Variants in PLD5 observed in about 807,000 individuals in gnomAD.
PLD5 encodes the protein inactive phospholipase D5.
Under a neutral mutation model 61.1 loss-of-function variants are expected in PLD5, and 36 were observed. The ratio of observed to expected loss-of-function variants is 0.59; its 90% CI spans 0.45 to 0.78. The LOEUF (loss-of-function observed/expected upper bound fraction) is 0.78. Ranked by LOEUF, PLD5 falls within the 30% of genes least tolerant of loss-of-function variation. The pLI is 0.00. For synonymous variants in PLD5, 243 were observed against 242.8 expected, an observed-to-expected ratio of 1.00 and a Z score of -0.01; for missense variants, 515 against 644.4, an observed-to-expected ratio of 0.80 and a Z score of 2.17.
At position 242,373,447 on chromosome 1, in the gene PLD5, T is replaced by C. The variant is rs573111840; in HGVS notation, c.190-25205A>G. ...CCATTTGACCCAGCAATCCCATTAC[T>C]GGGTATATACCCAAAGGATTTTAAA... On this transcript the variant is annotated intron_variant, in intron 1 of 9. Coordinates refer to ENST00000536534, the MANE Select transcript of PLD5 (RefSeq NM_001372062.1). 2.6e-5 allele frequency among the ~76,000 whole-genome samples: 4 copies of C among 152,324 alleles called. No homozygotes were observed. In the South Asian group the frequency reaches 8.3e-4, roughly 32 times the overall value.
At chr1:242,485,849 C>G (rs1023406079) in intron 1 of PLD5, among the ~76,000 whole-genome samples, 1 of 152,018 alleles carries the variant, frequency 6.6e-6, no homozygotes, top group Non-Finnish European at 1.5e-5. Context: ...ACAGCATGGT[C>G]CTGGTACCAA....
At chr1:242,296,256 C>T (rs1251679870) in intron 2 of PLD5, among the ~76,000 whole-genome samples, 10 of 152,070 alleles carry the variant, frequency 6.6e-5, no homozygotes, top group Non-Finnish European at 1.2e-4. Context: ...GGTTTAAGTT[C>T]CTTATAAATT....
At chr1:242,384,167 C>T (rs1010566422) in intron 1 of PLD5, among the ~76,000 whole-genome samples, 18 of 152,208 alleles carry the variant, frequency 1.2e-4, no homozygotes, top group Admixed American at 7.9e-4. Context: ...ATATTCCAAC[C>T]AGTTCCAATG....
intron 1 of PLD5, among the ~76,000 whole-genome samples, chr1:242,485,272 CCT>C (rs1262938606): frequency 2.0e-5 from 3 of 152,100 alleles, no homozygotes; most frequent in Non-Finnish European, 4.4e-5. Flanking sequence ...TCAAATTGTC[CCT>C]GTTTGCAGAT....
Position 242,221,639 on chromosome 1 carries a change from T to A in PLD5, c.608-1524A>T, listed in dbSNP as rs145775237. On this transcript the variant is annotated intron_variant, in intron 4 of 9. Transcript: ENST00000536534. ...CTCTGAGGGTAGAGCAGTTTCTTTGTCTTCCAAGTGGCGGGCACATGTTTC... is the reference window on the plus strand; with the variant it reads ...CTCTGAGGGTAGAGCAGTTTCTTTGACTTCCAAGTGGCGGGCACATGTTTC... Among the ~76,000 whole-genome samples, 161 of 152,290 alleles carry A rather than the reference T, an allele frequency of 1.1e-3. 3 individuals are homozygous for A. The highest frequency in any genetic ancestry group is 3.8e-3 in the African/African-American group (156 of 41,558).
intron 1 of PLD5, among the ~76,000 whole-genome samples, chr1:242,465,798 C>T (rs774486898): frequency 1.6e-4 from 24 of 152,162 alleles, no homozygotes; most frequent in Non-Finnish European, 3.4e-4. Context: ...GGCATGGTGG[C>T]GGATGCCTGT....
At chr1:242,443,065 T>C (rs1479487690) in intron 1 of PLD5, among the ~76,000 whole-genome samples, 1 of 152,214 alleles carries the variant, frequency 6.6e-6, no homozygotes, top group African/African-American at 2.4e-5. Flanking sequence ...TATGAACTTA[T>C]TAAATCAGCC....
Position 242,098,590 on chromosome 1 carries a change from C to T in PLD5, c.1354+2078G>A, listed in dbSNP as rs1422152881. Among the ~76,000 whole-genome samples the T allele has an allele frequency of 4.6e-5, 7 of 152,316 alleles. No homozygotes were observed. The East Asian group carries it at 1.3e-3, about 29-fold the overall frequency. On this transcript the variant is annotated intron_variant, in intron 9 of 9. Coordinates refer to ENST00000536534, the MANE Select transcript of PLD5 (RefSeq NM_001372062.1). Reference sequence around the variant, plus strand: ...AGTCATTCTCCATCCAGCTTTGTTCCATTGCTGGTGAGGAGCTGCGTTCCT... The same window carrying T: ...AGTCATTCTCCATCCAGCTTTGTTCTATTGCTGGTGAGGAGCTGCGTTCCT...
chr1:242,309,456 C>T (rs535712039), intron 2 of PLD5, among the ~76,000 whole-genome samples: 13 of 151,412 alleles, frequency 8.6e-5, no homozygotes, highest in Middle Eastern at 3.4e-3. Context: ...GGCACTAAAC[C>T]TCTGCCTCCT....
intron 5 of PLD5, among the ~76,000 whole-genome samples, chr1:242,207,193 C>T (rs316858): frequency 0.84 from 128,056 of 152,138 alleles, 54,138 homozygotes; most frequent in South Asian, 0.94. Flanking sequence ...ATTGACCAAA[C>T]AACTGGGCAC....
intron 1 of PLD5, among the ~76,000 whole-genome samples, chr1:242,474,130 G>A (rs548485316): frequency 2.0e-5 from 3 of 152,234 alleles, no homozygotes; most frequent in Non-Finnish European, 4.4e-5. Context: ...TGAGAAATCA[G>A]TGAGAGACAT....
chr1:242,244,020 C>A (rs112368504), intron 4 of PLD5, among the ~76,000 whole-genome samples: 2 of 152,134 alleles, frequency 1.3e-5, no homozygotes, highest in Admixed American at 6.6e-5. Flanking sequence ...CCTGAAAGCT[C>A]CCAAATTGTC....
At chr1:242,113,250 T>C (rs568013938) in intron 7 of PLD5, among the ~76,000 whole-genome samples, 24 of 152,110 alleles carry the variant, frequency 1.6e-4, no homozygotes, top group Admixed American at 1.5e-3. Flanking sequence ...CCACCACACC[T>C]GGCTAATTTT....
Position 242,089,414 on chromosome 1 carries a change from G to A in PLD5, c.*440C>T. ...TGTAGGTCTTGGAGACGATTTACAAGAATAAACACTTGGTTTTATCAGTCT... is the reference window on the plus strand; with the variant it reads ...TGTAGGTCTTGGAGACGATTTACAAAAATAAACACTTGGTTTTATCAGTCT... On this transcript the variant is annotated 3_prime_UTR_variant, in exon 10 of 10. Coordinates refer to ENST00000536534, the MANE Select transcript of PLD5 (RefSeq NM_001372062.1). 2.3e-5 allele frequency: 9 copies of A among 396,738 alleles called. No homozygotes were observed. Among genetic ancestry groups the A allele is most frequent in the South Asian group, 1.3e-4 (1 of 7,792 alleles). 24.6% of individuals were successfully genotyped at this position (396,738 alleles called of 1,614,324 possible).
chr1:242,333,353 G>T (rs1659305095), intron 2 of PLD5, among the ~76,000 whole-genome samples: 1 of 151,848 alleles, frequency 6.6e-6, no homozygotes, highest in African/African-American at 2.4e-5. Flanking sequence ...GCAAAATTCA[G>T]AAACATATTT....
rs751636146 is a variant in PLD5 at position 242,107,821 on chromosome 1, C to G, written c.1089G>C (p.Leu363Phe). 6.3e-7 allele frequency: 1 copy of G among 1,596,656 alleles called. No homozygotes were observed. Among genetic ancestry groups the G allele is most frequent in the Non-Finnish European group, 8.5e-7 (1 of 1,175,250 alleles). ...CTAATGCTTCTCTTATTTTTGCATC[C>G]AAGTCTGGCCAGTAAGTCCTGCAGA... ...TSTKRTYWPD[L>F]DAKIREALVL... The change falls in exon 8 of 10, where the codon TTG becomes TTC. Residue 363 changes from leucine (L) to phenylalanine (F), a missense_variant. Coordinates refer to ENST00000536534, the MANE Select transcript of PLD5 (RefSeq NM_001372062.1).
chr1:242,463,706 T>C (rs571150884), intron 1 of PLD5, among the ~76,000 whole-genome samples: 1 of 152,130 alleles, frequency 6.6e-6, no homozygotes, highest in East Asian at 1.9e-4. Flanking sequence ...TGCCTCTACT[T>C]ATACCCGTAT....
At chr1:242,194,673 T>TCTAC (rs1264173629) in intron 5 of PLD5, among the ~76,000 whole-genome samples, 2 of 150,724 alleles carry the variant, frequency 1.3e-5, no homozygotes, top group Admixed American at 1.3e-4. Context: ...TATCTACCTA[T>TCTAC]CTATGATAGA....
rs12089729 is a variant in PLD5, at chr1:242,318,653, T to A, written c.326+29453A>T. Among the ~76,000 whole-genome samples the A allele has an allele frequency of 8.9e-3, 1,309 of 146,328 alleles. 9 individuals are homozygous for A. Among genetic ancestry groups the A allele is most frequent in the African/African-American group, 0.031 (1,209 of 39,430 alleles). On this transcript the variant is annotated intron_variant, in intron 2 of 9. Transcript: ENST00000536534. The stretch of plus-strand genomic sequence containing the variant: ...TTTATAACTTTTTGGGGCTTTTGAT[T>A]TTTTAATTTTTTTTTTTTTAATATG...
Sources: gnomAD v4.1 joint callset for allele counts (sites outside exome capture counted in the v4.1 genomes callset) on GRCh38, gnomAD v4.1.1 for gene constraint, MANE v1.5 for transcripts, NCBI Gene and HGNC (gene_info 2026-07-23, HGNC 2026-07-21) for gene names.